The following ZNF25 variants were observed in gnomAD, a reference collection of about 807,000 sequenced individuals.
ZNF25 encodes the protein zinc finger protein 25.
Under a neutral mutation model 30.9 loss-of-function variants are expected in ZNF25, and 21 were observed. The ratio of observed to expected loss-of-function variants is 0.68; its 90% CI spans 0.48 to 0.98. The LOEUF is 0.98. ZNF25 is among the 50% of genes least tolerant of loss of function. The pLI is 0.00. For synonymous variants in ZNF25, 169 were observed against 181.3 expected, an observed-to-expected ratio of 0.93 and a Z score of 0.55; for missense variants, 501 against 529.9, an observed-to-expected ratio of 0.95 and a Z score of 0.54.
rs1055201010 is a variant in ZNF25, at chr10:37,963,108, A to C, written c.16-5562T>G. Among the ~76,000 whole-genome samples, 4 of 140,036 alleles carry C rather than the reference A, an allele frequency of 2.9e-5. No individual in the cohort carries two copies. The Admixed American group carries it at 2.9e-4, about 10-fold the overall frequency. The allele number at this position is 140,036 out of a possible 152,430, so 91.9% of individuals were successfully genotyped here. A position where few individuals can be genotyped will look rare whatever the true frequency, so the allele number is the denominator to read the frequency against. On this transcript the variant is annotated intron_variant, in intron 2 of 5. Coordinates refer to ENST00000302609, the MANE Select transcript of ZNF25 (RefSeq NM_145011.4). ...GTGGAGTACTTTTTTTTTCTTTTCT[A>C]TTTATTTATTTATTTATTTATTTTT...
Position 37,952,049 on chromosome 10 carries a change from T to A in ZNF25, c.*78A>T. The A allele has an allele frequency of 7.2e-7, 1 of 1,386,226 alleles. No individual in the cohort carries two copies. The highest frequency in any genetic ancestry group is 2.3e-5 in the East Asian group (1 of 43,066). 85.9% of individuals were successfully genotyped at this position (1,386,226 alleles called of 1,614,324 possible). A position where few individuals can be genotyped will look rare whatever the true frequency, so the allele number is the denominator to read the frequency against. On this transcript the variant is annotated 3_prime_UTR_variant, in exon 6 of 6. Transcript: ENST00000302609. ...GAAAATTTCCCTCTATTGATGCGAT[T>A]CATAAGGTGTACCTCTTGTGTGAAT...
At chr10:37,970,448 A>T (rs1018275016) in intron 2 of ZNF25, among the ~76,000 whole-genome samples, 1 of 152,228 alleles carries the variant, frequency 6.6e-6, no homozygotes, top group Non-Finnish European at 1.5e-5. Context: ...ACTCTGAACA[A>T]ACTAGGAAAA....
At chr10:37,962,510 T>C (rs1222101368) in intron 2 of ZNF25, among the ~76,000 whole-genome samples, 3 of 152,178 alleles carry the variant, frequency 2.0e-5, no homozygotes, top group Non-Finnish European at 4.4e-5. Flanking sequence ...AAATACATTC[T>C]CTGAACACAG....
At chr10:37,959,830 G>A (rs777144996) in intron 2 of ZNF25, among the ~76,000 whole-genome samples, 1 of 151,742 alleles carries the variant, frequency 6.6e-6, no homozygotes, top group African/African-American at 2.4e-5. Context: ...GGCTGGTCTC[G>A]AACTCCTGAC....
intron 5 of ZNF25, 186 bp downstream of exon 5, chr10:37,953,509 T>C: frequency 1.6e-6 from 1 of 633,348 alleles, no homozygotes; most frequent in Non-Finnish European, 2.7e-6. Context: ...AAAGTTTCAA[T>C]CTCCCGATCC....
intron 2 of ZNF25, among the ~76,000 whole-genome samples, chr10:37,959,191 A>T (rs1590222216): frequency 6.6e-6 from 1 of 152,028 alleles, no homozygotes; most frequent in African/African-American, 2.4e-5. Context: ...AAATATAGAA[A>T]CCAGGAGCCA....
intron 2 of ZNF25, 144 bp downstream of exon 2, chr10:37,971,564 A>T: frequency 7.3e-7 from 1 of 1,366,316 alleles, no homozygotes; most frequent in Non-Finnish European, 1.0e-6. Context: ...TTTTGCCTGT[A>T]GGTGATTTTT....
At chr10:37,972,510 G>A (rs578210778) in intron 1 of ZNF25, among the ~76,000 whole-genome samples, 3 of 152,250 alleles carry the variant, frequency 2.0e-5, no homozygotes, top group East Asian at 1.9e-4. Flanking sequence ...GCAATGCACT[G>A]TGCCCTCAAA....
At chr10:37,967,094 G>A (rs1274723092) in intron 2 of ZNF25, among the ~76,000 whole-genome samples, 1 of 152,158 alleles carries the variant, frequency 6.6e-6, no homozygotes, top group Admixed American at 6.5e-5. Flanking sequence ...CATGGACTGG[G>A]AGACTTAATA....
chr10:37,959,722 G>A (rs1436059391), intron 2 of ZNF25, among the ~76,000 whole-genome samples: 1 of 151,870 alleles, frequency 6.6e-6, no homozygotes, highest in Non-Finnish European at 1.5e-5. Context: ...CCATTCTCCT[G>A]CCTCAGCCTC....
chr10:37,958,288 G>C (rs965799903), intron 2 of ZNF25, among the ~76,000 whole-genome samples: 8 of 152,150 alleles, frequency 5.3e-5, no homozygotes, highest in African/African-American at 1.9e-4. Context: ...TTATTAGGTG[G>C]TCAAACTGAC....
intron 1 of ZNF25, among the ~76,000 whole-genome samples, chr10:37,976,056 A>C (rs994740241): frequency 6.6e-6 from 1 of 152,230 alleles, no homozygotes; most frequent in African/African-American, 2.4e-5. Context: ...GTTTTGTAAT[A>C]ATAGAAGCAG....
rs751919522 is a variant in ZNF25, at chr10:37,953,198, A to T, written c.303-3T>A. Reference sequence around the variant, plus strand: ...GATGTTTTGTGAGTTCTCCATTCCTAGACAGAAAGTTCCACATTCATTAAT... The same window carrying T: ...GATGTTTTGTGAGTTCTCCATTCCTTGACAGAAAGTTCCACATTCATTAAT... On this transcript the variant is annotated splice_polypyrimidine_tract_variant and splice_region_variant and intron_variant, in intron 5 of 5. Transcript: ENST00000302609. The T allele has an allele frequency of 1.3e-5, 20 of 1,569,456 alleles. No individual in the cohort carries two copies. The highest frequency in any genetic ancestry group is 1.7e-5 in the Non-Finnish European group (20 of 1,164,942).
Position 37,953,060 on chromosome 10 carries a change from A to G in ZNF25, c.438T>C (p.Tyr146=), listed in dbSNP as rs1318603473. 6.2e-7 allele frequency: 1 copy of G among 1,613,886 alleles called. No homozygotes were observed. Among genetic ancestry groups the G allele is most frequent in the Non-Finnish European group, 8.5e-7 (1 of 1,179,990 alleles). The change falls in exon 6 of 6, where the codon TAT becomes TAC. Residue 146 remains tyrosine (Y), a synonymous_variant. Transcript: ENST00000302609. ...AAGATTTCCCACATTTATCACAGTC[A>G]TAGGATTTGCCCTTTGAGTGAGTAT... ...HQHTHSKGKS[Y]DCDKCGKSFS...
chr10:37,966,745 A>C (rs921956784), intron 2 of ZNF25, among the ~76,000 whole-genome samples: 1 of 152,168 alleles, frequency 6.6e-6, no homozygotes. Context: ...ATTTCACATG[A>C]GATTTGGGTG....
intron 2 of ZNF25, among the ~76,000 whole-genome samples, chr10:37,959,254 T>C (rs750688332): frequency 2.6e-5 from 4 of 152,094 alleles, no homozygotes; most frequent in African/African-American, 7.2e-5. Flanking sequence ...ATGAGTGGTA[T>C]AGGAGAAAAT....
chr10:37,954,232 T>G (rs2062370293), intron 4 of ZNF25, among the ~76,000 whole-genome samples: 1 of 152,222 alleles, frequency 6.6e-6, no homozygotes, highest in Non-Finnish European at 1.5e-5. Flanking sequence ...CCCTCAAACC[T>G]AGATTACTGT....
At chr10:37,968,499 G>C (rs1393401954) in intron 2 of ZNF25, among the ~76,000 whole-genome samples, 2 of 151,984 alleles carry the variant, frequency 1.3e-5, no homozygotes, top group African/African-American at 4.8e-5. Flanking sequence ...GGGACTACCT[G>C]TGTGCACCAC....
At chr10:37,957,152 G>A in intron 3 of ZNF25, 37 bp from the exon 4 acceptor site, 1 of 1,578,634 alleles carries the variant, frequency 6.3e-7, no homozygotes, top group Non-Finnish European at 8.7e-7. Context: ...GATACAAATT[G>A]CTTGGAATTT....
Sources: gnomAD v4.1 joint callset for allele counts (sites outside exome capture counted in the v4.1 genomes callset) on GRCh38, gnomAD v4.1.1 for gene constraint, MANE v1.5 for transcripts, NCBI Gene and HGNC (gene_info 2026-07-23, HGNC 2026-07-21) for gene names.